Variants in PLSCR2 observed in about 807,000 individuals in gnomAD.
The protein encoded by PLSCR2 is PL scramblase 2.
Under a neutral mutation model 25.3 loss-of-function variants are expected in PLSCR2, and 18 were observed. That is an observed-to-expected ratio of 0.71 (90% CI 0.49 to 1.06). The LOEUF is 1.06. PLSCR2 is among the 50% of genes least tolerant of loss of function. The pLI is 0.00. For missense variants in PLSCR2, 243 were observed against 269.5 expected (o/e 0.90, Z 0.69); for synonymous variants, 88 against 87.3 (o/e 1.01, Z -0.04).
chr3:146,473,041 C>T (rs549921363), intron 1 of PLSCR2, among the ~76,000 whole-genome samples: 28 of 152,146 alleles, frequency 1.8e-4, no homozygotes, highest in Non-Finnish European at 2.6e-4. Context: ...TTGGCATCAC[C>T]AATCCCTCCT....
intron 1 of PLSCR2, among the ~76,000 whole-genome samples, chr3:146,467,759 G>A (rs1381366718): frequency 1.3e-5 from 2 of 152,138 alleles, no homozygotes; most frequent in Non-Finnish European, 2.9e-5. Flanking sequence ...TGTCAGGAAA[G>A]TCAGAGCGGA....
At chr3:146,403,979 C>T (rs2038565705) in intron 2 of PLSCR2, among the ~76,000 whole-genome samples, 1 of 152,218 alleles carries the variant, frequency 6.6e-6, no homozygotes, top group Non-Finnish European at 1.5e-5. Context: ...CGATTACCTA[C>T]TCCACCCTGA....
chr3:146,487,975 C>A (rs948787012), intron 1 of PLSCR2, among the ~76,000 whole-genome samples: 2 of 152,024 alleles, frequency 1.3e-5, no homozygotes, highest in Non-Finnish European at 2.9e-5. Flanking sequence ...CCAAAACAGA[C>A]ATACAGATGA....
At position 146,427,111 on chromosome 3, in the gene PLSCR2, G is replaced by T. The variant is rs180719009; in HGVS notation, c.101-31190C>A. The stretch of plus-strand genomic sequence containing the variant: ...CTAAACTCAATATCTTCACATAAAT[G>T]GACTTTGACAACTTTGAGAACTTTC... On this transcript the variant is annotated intron_variant and NMD_transcript_variant, in intron 2 of 3. Transcript: ENST00000463633. Among the ~76,000 whole-genome samples, 4 of 152,178 alleles carry T rather than the reference G, an allele frequency of 2.6e-5. No individual in the cohort carries two copies. In the East Asian group the frequency reaches 7.7e-4, roughly 29 times the overall value.
exon 1 of PLSCR2, chr3:146,460,298 C>A (rs115476748): frequency 1.3e-5 from 14 of 1,047,686 alleles, no homozygotes; most frequent in Non-Finnish European, 1.7e-5. Flanking sequence ...TGAATAGAGT[C>A]GGCCTAGAGC....
rs149831493 is a variant in PLSCR2, at chr3:146,459,949, T to A, written c.-45A>T. The A allele has an allele frequency of 3.5e-4, 565 of 1,614,100 alleles. 6 individuals are homozygous for A. The African/African-American group carries it at 6.9e-3, about 20-fold the overall frequency. ...CTACCTGGCTGATTTTGAACAGGAA[T>A]GCCAGCTGTGCCAGCAGGTGGGACT... On this transcript the variant is annotated 5_prime_UTR_variant, in exon 2 of 7. Transcript: ENST00000610787.
intron 1 of PLSCR2, among the ~76,000 whole-genome samples, chr3:146,475,086 G>A (rs539718729): frequency 1.5e-4 from 23 of 152,038 alleles, no homozygotes; most frequent in African/African-American, 5.1e-4. Context: ...GTTAGAACAT[G>A]CTCCTTTAGC....
intron 1 of PLSCR2, among the ~76,000 whole-genome samples, chr3:146,468,391 G>A (rs2041959621): frequency 6.6e-6 from 1 of 152,208 alleles, no homozygotes; most frequent in Non-Finnish European, 1.5e-5. Flanking sequence ...GTATCTCAGT[G>A]TCATAAGCGG....
At chr3:146,462,440 TC>T (rs1049805468), upstream of PLSCR2, among the ~76,000 whole-genome samples, 5 of 147,286 alleles carry the variant, frequency 3.4e-5, no homozygotes, top group Admixed American at 2.8e-4. Flanking sequence ...ATGAACACTT[TC>T]TTTTTTCTTT....
intron 1 of PLSCR2, among the ~76,000 whole-genome samples, chr3:146,483,422 A>C: frequency 8.6e-6 from 1 of 116,206 alleles, no homozygotes; most frequent in Non-Finnish European, 1.8e-5. Context: ...CCTAGAACTT[A>C]AACTTAATAT....
At chr3:146,482,394 C>A (rs773389363) in intron 1 of PLSCR2, among the ~76,000 whole-genome samples, 1 of 152,090 alleles carries the variant, frequency 6.6e-6, no homozygotes, top group Non-Finnish European at 1.5e-5. Flanking sequence ...AAACAAACAA[C>A]CCCATCAAAA....
chr3:146,470,905 C>G (rs530879243), intron 1 of PLSCR2, among the ~76,000 whole-genome samples: 1 of 152,144 alleles, frequency 6.6e-6, no homozygotes, highest in South Asian at 2.1e-4. Context: ...ATGGTATCTA[C>G]CACAGAGGAT....
intron 2 of PLSCR2, among the ~76,000 whole-genome samples, chr3:146,404,146 C>T (rs2038570907): frequency 6.6e-6 from 1 of 152,200 alleles, no homozygotes; most frequent in South Asian, 2.1e-4. Flanking sequence ...ACCCCTTTCC[C>T]TCCCTTGTCC....
At chr3:146,443,966 A>T (rs539496343) in intron 6 of PLSCR2, among the ~76,000 whole-genome samples, 1 of 151,772 alleles carries the variant, frequency 6.6e-6, no homozygotes, top group Non-Finnish European at 1.5e-5. Context: ...TGTTTCCATT[A>T]CCATTTGTTT....
intron 1 of PLSCR2, among the ~76,000 whole-genome samples, chr3:146,466,163 G>A (rs2041855140): frequency 6.6e-6 from 1 of 152,158 alleles, no homozygotes; most frequent in Admixed American, 6.5e-5. Flanking sequence ...TTACAGTTTT[G>A]TTTGTTTGTT....
chr3:146,493,827 G>A (rs1560066257), intron 1 of PLSCR2, among the ~76,000 whole-genome samples: 2 of 113,574 alleles, frequency 1.8e-5, no homozygotes, highest in Non-Finnish European at 1.7e-5. Flanking sequence ...AAAACTTTGA[G>A]AACATTGTGT....
intron 1 of PLSCR2, among the ~76,000 whole-genome samples, chr3:146,482,616 A>T (rs1451789144): frequency 1.2e-4 from 19 of 152,244 alleles, no homozygotes. Context: ...GAACACTTTT[A>T]CACTGTTGGT....
At chr3:146,398,476 T>C (rs891533809) in intron 2 of PLSCR2, among the ~76,000 whole-genome samples, 2 of 151,488 alleles carry the variant, frequency 1.3e-5, no homozygotes, top group Non-Finnish European at 3.0e-5. Flanking sequence ...CATAAACTTA[T>C]AGAGCTTTTA....
intron 2 of PLSCR2, among the ~76,000 whole-genome samples, chr3:146,422,453 A>G (rs927223047): frequency 7.9e-5 from 12 of 152,050 alleles, no homozygotes; most frequent in Admixed American, 7.9e-4. Context: ...TTCCTGGTAA[A>G]TAGAGAGGAC....
Sources: gnomAD v4.1 joint callset for allele counts (sites outside exome capture counted in the v4.1 genomes callset) on GRCh38, gnomAD v4.1.1 for gene constraint, MANE v1.5 for transcripts, NCBI Gene and HGNC (gene_info 2026-07-23, HGNC 2026-07-21) for gene names.